Variants in MLF2 observed in about 807,000 individuals in gnomAD.
The protein encoded by MLF2 is myeloid leukemia factor 2, also known as myelodysplasia-myeloid leukemia factor 2.
Under a neutral mutation model 31.4 loss-of-function variants are expected in MLF2, and 12 were observed. The ratio of observed to expected loss-of-function variants is 0.38; its 90% CI spans 0.24 to 0.62. MLF2 has a LOEUF of 0.62. MLF2 is among the 20% of genes least tolerant of loss of function. The pLI, the probability that MLF2 is intolerant of heterozygous loss-of-function variation, is 0.58. For synonymous variants in MLF2, 109 were observed against 118.8 expected, an observed-to-expected ratio of 0.92 and a Z score of 0.54; for missense variants, 272 against 359.7, an observed-to-expected ratio of 0.76 and a Z score of 1.97.
chr12:6,751,354 T>C (rs1261819192), intron 4 of MLF2, among the ~76,000 whole-genome samples: 2 of 151,900 alleles, frequency 1.3e-5, no homozygotes, highest in African/African-American at 4.8e-5. Flanking sequence ...CCACCATGCC[T>C]GGCTTTTTTG....
chr12:6,749,723 CA>C lies in MLF2; in HGVS notation c.559+124del, dbSNP rs750197073. ...GGGCAACAAGAGCGAGACTCCATCT[CA>C]AAAAAAAAAAAAAAGGAATATGGGG... On this transcript the variant is annotated intron_variant, in intron 7 of 8. Coordinates refer to ENST00000203630, the MANE Select transcript of MLF2 (RefSeq NM_001382226.1). The surrounding 1 kb of genome is among the most constrained non-coding windows in gnomAD (Gnocchi z 5.3). The C allele has an allele frequency of 0.18, 183,365 of 1,026,970 alleles. 6 individuals are homozygous for C. Among genetic ancestry groups the C allele is most frequent in the South Asian group, 0.24 (13,753 of 56,720 alleles). The allele number at this position is 1,026,970 out of a possible 1,614,324, so 63.6% of individuals were successfully genotyped here.
Position 6,750,411 on chromosome 12 carries a change from T to A in MLF2, c.271-106A>T. 1.4e-6 allele frequency: 2 copies of A among 1,423,590 alleles called. No homozygotes were observed. Among genetic ancestry groups the A allele is most frequent in the Admixed American group, 4.4e-5 (2 of 45,342 alleles). The allele number at this position is 1,423,590 out of a possible 1,614,324, so 88.2% of individuals were successfully genotyped here. ...TCTAGCCTGTATCTTTCTCACAAAA[T>A]GCAAGAACTGAAAAAACATCAGGCC... On this transcript the variant is annotated intron_variant, in intron 5 of 8. Transcript: ENST00000203630. The surrounding 1 kb of genome is among the most constrained non-coding windows in gnomAD (Gnocchi z 5.3).
chr12:6,748,559 A>C lies in MLF2; in HGVS notation c.*26-12T>G, dbSNP rs1384050061. On this transcript the variant is annotated splice_polypyrimidine_tract_variant and intron_variant, in intron 8 of 8. Transcript: ENST00000203630. This position sits in a 1 kb window ranked among gnomAD's most constrained non-coding sequence, Gnocchi z 4.6. ...CTCTCAGCCTGTACCTGGAGGGGGA[A>C]AGAGAGAGGAGCACAAGTCAAAAGG... The C allele has an allele frequency of 4.8e-6, 2 of 416,958 alleles. No individual in the cohort carries two copies. The highest frequency in any genetic ancestry group is 8.5e-6 in the Non-Finnish European group (2 of 236,342). 25.8% of individuals were successfully genotyped at this position (416,958 alleles called of 1,614,324 possible).
Position 6,749,498 on chromosome 12 carries a change from C to T in MLF2, c.559+350G>A, listed in dbSNP as rs1455402998. On this transcript the variant is annotated intron_variant, in intron 7 of 8. Coordinates refer to ENST00000203630, the MANE Select transcript of MLF2 (RefSeq NM_001382226.1). The surrounding 1 kb of genome is among the most constrained non-coding windows in gnomAD (Gnocchi z 5.3). ...AGGCCAACGGTCGGTGGGTGGATCA[C>T]AAGGTCAGGAGTTCGAGAACGGCCT... Among the ~76,000 whole-genome samples, 1 of 152,198 alleles carries T rather than the reference C, an allele frequency of 6.6e-6. No individual in the cohort carries two copies. Among genetic ancestry groups the T allele is most frequent in the Non-Finnish European group, 1.5e-5 (1 of 68,032 alleles).
At position 6,748,765 on chromosome 12, in the gene MLF2, C is replaced by A; in HGVS notation, c.*25+5G>T. ...CACCCCACCCTCCTTACTCCTGATA[C>A]TTACAAGAGAGGCTGAGGGCCCGGG... On this transcript the variant is annotated splice_donor_5th_base_variant and intron_variant, in intron 8 of 8. Coordinates refer to ENST00000203630, the MANE Select transcript of MLF2 (RefSeq NM_001382226.1). This position sits in a 1 kb window ranked among gnomAD's most constrained non-coding sequence, Gnocchi z 4.6. 6.7e-7 allele frequency: 1 copy of A among 1,498,316 alleles called. No homozygotes were observed. The highest frequency in any genetic ancestry group is 8.8e-7 in the Non-Finnish European group (1 of 1,130,526). The allele number at this position is 1,498,316 out of a possible 1,614,324, so 92.8% of individuals were successfully genotyped here.
chr12:6,748,690 G>A lies in MLF2; in HGVS notation c.*25+80C>T. 1 of 1,117,390 alleles carries A rather than the reference G, an allele frequency of 8.9e-7. No individual in the cohort carries two copies. Among genetic ancestry groups the A allele is most frequent in the Non-Finnish European group, 1.2e-6 (1 of 805,088 alleles). 69.2% of individuals were successfully genotyped at this position (1,117,390 alleles called of 1,614,324 possible). On this transcript the variant is annotated intron_variant, in intron 8 of 8. Coordinates refer to ENST00000203630, the MANE Select transcript of MLF2 (RefSeq NM_001382226.1). The surrounding 1 kb of genome is among the most constrained non-coding windows in gnomAD (Gnocchi z 4.6). The stretch of plus-strand genomic sequence containing the variant: ...ACTTGTACTACCAAAGGCAGCTCCT[G>A]CGGGAGCCTGAACTGAGCCTGCCTT...
rs1465817551 is a variant in MLF2, at chr12:6,750,786, A to G, written c.217-20T>C. On this transcript the variant is annotated intron_variant, in intron 4 of 8. Transcript: ENST00000203630. The surrounding 1 kb of genome is among the most constrained non-coding windows in gnomAD (Gnocchi z 5.3). ...ACCCGACTGGAGGAAAGAGATGGAA[A>G]ACAGAGTCAGGAAAGCAAAGTCAGT... The G allele has an allele frequency of 6.2e-7, 1 of 1,613,048 alleles. No homozygotes were observed. Among genetic ancestry groups the G allele is most frequent in the South Asian group, 1.1e-5 (1 of 90,970 alleles).
chr12:6,748,689 T>C lies in MLF2; in HGVS notation c.*25+81A>G. On this transcript the variant is annotated intron_variant, in intron 8 of 8. Coordinates refer to ENST00000203630, the MANE Select transcript of MLF2 (RefSeq NM_001382226.1). The surrounding 1 kb of genome is among the most constrained non-coding windows in gnomAD (Gnocchi z 4.6). ...AACTTGTACTACCAAAGGCAGCTCC[T>C]GCGGGAGCCTGAACTGAGCCTGCCT... The C allele has an allele frequency of 9.1e-7, 1 of 1,104,164 alleles. No individual in the cohort carries two copies. Among genetic ancestry groups the C allele is most frequent in the South Asian group, 1.8e-5 (1 of 54,482 alleles). 68.4% of individuals were successfully genotyped at this position (1,104,164 alleles called of 1,614,324 possible).
rs1592483141 is a variant in MLF2 at position 6,749,029 on chromosome 12, TG to T, written c.560-48del. 1.3e-6 allele frequency: 2 copies of T among 1,485,880 alleles called. No individual in the cohort carries two copies. Among genetic ancestry groups the T allele is most frequent in the Non-Finnish European group, 1.8e-6 (2 of 1,123,954 alleles). The allele number at this position is 1,485,880 out of a possible 1,614,324, so 92.0% of individuals were successfully genotyped here. On this transcript the variant is annotated intron_variant, in intron 7 of 8. Coordinates refer to ENST00000203630, the MANE Select transcript of MLF2 (RefSeq NM_001382226.1). This position sits in a 1 kb window ranked among gnomAD's most constrained non-coding sequence, Gnocchi z 5.3. ...TGAGGCCTGTGTGCGGCCTGGCTCC[TG>T]GAGGCCGATGTGCGAGCGAGCCACA...
intron 3 of MLF2, 76 bp from the exon 4 acceptor site, chr12:6,751,752 T>A (rs1373663307): frequency 1.9e-6 from 3 of 1,585,194 alleles, no homozygotes; most frequent in Non-Finnish European, 2.6e-6. Flanking sequence ...GCCCATGGCC[T>A]CAATTTTTTT....
In MLF2 at chr12:6,752,024, C is replaced by T; in HGVS notation, c.81G>A (p.Met27Ile). 6.2e-7 allele frequency: 1 copy of T among 1,614,220 alleles called. No homozygotes were observed. Among genetic ancestry groups the T allele is most frequent in the South Asian group, 1.1e-5 (1 of 91,086 alleles). ...CAAAGCCACCTGACAACATACGGCT[C>T]ATATGCTGACGGTGAATAGCAAAGG... ...MDPFAIHRQHMSRMLSGGFGY... is the reference protein window; with the variant it reads ...MDPFAIHRQHISRMLSGGFGY... The change falls in exon 3 of 9, where the codon ATG becomes ATA. Residue 27 changes from methionine to isoleucine, a missense_variant. By Grantham distance (10) the Met-to-Ile change is conservative (BLOSUM62 1). Coordinates refer to ENST00000203630, the MANE Select transcript of MLF2 (RefSeq NM_001382226.1). The surrounding 1 kb of genome is among the most constrained non-coding windows in gnomAD (Gnocchi z 4.6).
Position 6,750,960 on chromosome 12 carries a change from T to TTC in MLF2, c.217-196_217-195dup, listed in dbSNP as rs1229499426. 1 of 581,382 alleles carries TTC rather than the reference T, an allele frequency of 1.7e-6. No homozygotes were observed. The highest frequency in any genetic ancestry group is 3.1e-6 in the Non-Finnish European group (1 of 319,708). 36.0% of individuals were successfully genotyped at this position (581,382 alleles called of 1,614,324 possible). A position where few individuals can be genotyped will look rare whatever the true frequency, so the allele number is the denominator to read the frequency against. On this transcript the variant is annotated intron_variant, in intron 4 of 8. Coordinates refer to ENST00000203630, the MANE Select transcript of MLF2 (RefSeq NM_001382226.1). This position sits in a 1 kb window ranked among gnomAD's most constrained non-coding sequence, Gnocchi z 5.3. ...TCTCCTCCTGTGAACTGCTGACCCC[T>TTC]TCCTCAGTCTCTGTGACTGCTGTGA...
In MLF2 at chr12:6,750,418, A is replaced by G. The variant is rs1473855672; in HGVS notation, c.271-113T>C. 2 of 1,389,204 alleles carry G rather than the reference A, an allele frequency of 1.4e-6. No homozygotes were observed. Among genetic ancestry groups the G allele is most frequent in the African/African-American group, 2.9e-5 (2 of 69,148 alleles). 86.1% of individuals were successfully genotyped at this position (1,389,204 alleles called of 1,614,324 possible). On this transcript the variant is annotated intron_variant, in intron 5 of 8. Coordinates refer to ENST00000203630, the MANE Select transcript of MLF2 (RefSeq NM_001382226.1). This position sits in a 1 kb window ranked among gnomAD's most constrained non-coding sequence, Gnocchi z 5.3. The stretch of plus-strand genomic sequence containing the variant: ...TGTATCTTTCTCACAAAATGCAAGA[A>G]CTGAAAAAACATCAGGCCTCATCAT...
rs1386613516 is a variant in MLF2 at position 6,750,501 on chromosome 12, G to A, written c.271-196C>T. ...AGCAAGAAGGACCTGAAGAGACAGGGCCTTAATTGTATGCTACGTAAGAGA... is the reference window on the plus strand; with the variant it reads ...AGCAAGAAGGACCTGAAGAGACAGGACCTTAATTGTATGCTACGTAAGAGA... On this transcript the variant is annotated intron_variant, in intron 5 of 8. Coordinates refer to ENST00000203630, the MANE Select transcript of MLF2 (RefSeq NM_001382226.1). The surrounding 1 kb of genome is among the most constrained non-coding windows in gnomAD (Gnocchi z 5.3). 2.3e-6 allele frequency: 2 copies of A among 888,408 alleles called. No individual in the cohort carries two copies. Among genetic ancestry groups the A allele is most frequent in the Non-Finnish European group, 3.4e-6 (2 of 586,954 alleles). The allele number at this position is 888,408 out of a possible 1,614,324, so 55.0% of individuals were successfully genotyped here.
Position 6,750,787 on chromosome 12 carries a change from A to G in MLF2, c.217-21T>C. On this transcript the variant is annotated intron_variant, in intron 4 of 8. Transcript: ENST00000203630. This position sits in a 1 kb window ranked among gnomAD's most constrained non-coding sequence, Gnocchi z 5.3. Reference sequence around the variant, plus strand: ...CCCGACTGGAGGAAAGAGATGGAAAACAGAGTCAGGAAAGCAAAGTCAGTG... The same window carrying G: ...CCCGACTGGAGGAAAGAGATGGAAAGCAGAGTCAGGAAAGCAAAGTCAGTG... 3 of 1,612,728 alleles carry G rather than the reference A, an allele frequency of 1.9e-6. No homozygotes were observed. The highest frequency in any genetic ancestry group is 2.5e-6 in the Non-Finnish European group (3 of 1,178,850).
Position 6,750,357 on chromosome 12 carries a change from T to C in MLF2, c.271-52A>G, listed in dbSNP as rs774228954. On this transcript the variant is annotated intron_variant, in intron 5 of 8. Coordinates refer to ENST00000203630, the MANE Select transcript of MLF2 (RefSeq NM_001382226.1). The surrounding 1 kb of genome is among the most constrained non-coding windows in gnomAD (Gnocchi z 5.3). ...CTGAATGGGGAGGCATCACCCCTGG[T>C]GAAGGGATTTCACCCTTCAGCTGCC... 6.3e-7 allele frequency: 1 copy of C among 1,592,048 alleles called. No homozygotes were observed. The highest frequency in any genetic ancestry group is 8.6e-7 in the Non-Finnish European group (1 of 1,167,074).
intron 4 of MLF2, 109 bp downstream of exon 4, chr12:6,751,530 GAA>G: frequency 8.0e-7 from 1 of 1,256,832 alleles, no homozygotes; most frequent in Non-Finnish European, 1.2e-6. Flanking sequence ...CATAAAAAGA[GAA>G]GATTCTGGGG....
rs1437583987 is a variant in MLF2, at chr12:6,750,997, T to C, written c.217-231A>G. 1.2e-5 allele frequency: 6 copies of C among 517,042 alleles called. No homozygotes were observed. Among genetic ancestry groups the C allele is most frequent in the Admixed American group, 3.3e-5 (1 of 30,364 alleles). The allele number at this position is 517,042 out of a possible 1,614,324, so 32.0% of individuals were successfully genotyped here. On this transcript the variant is annotated intron_variant, in intron 4 of 8. Transcript: ENST00000203630. This position sits in a 1 kb window ranked among gnomAD's most constrained non-coding sequence, Gnocchi z 5.3. ...TGTGACTGCTGTGATCCAATTTTCCTTCTCCTGCTTGCTATATTCCCCCCA... is the reference window on the plus strand; with the variant it reads ...TGTGACTGCTGTGATCCAATTTTCCCTCTCCTGCTTGCTATATTCCCCCCA...
rs1941631059 is a variant in MLF2 at position 6,752,462 on chromosome 12, A to G, written c.-28-100T>C. 1 of 965,826 alleles carries G rather than the reference A, an allele frequency of 1.0e-6. No individual in the cohort carries two copies. Among genetic ancestry groups the G allele is most frequent in the Non-Finnish European group, 1.6e-6 (1 of 644,196 alleles). The allele number at this position is 965,826 out of a possible 1,614,324, so 59.8% of individuals were successfully genotyped here. ...GAGCACTGTCCTTTCCAAATCCTGT[A>G]ACTGACCCCCTAAACTCCAGGGAGA... On this transcript the variant is annotated intron_variant, in intron 1 of 8. Coordinates refer to ENST00000203630, the MANE Select transcript of MLF2 (RefSeq NM_001382226.1). The surrounding 1 kb of genome is among the most constrained non-coding windows in gnomAD (Gnocchi z 4.6).
Sources: gnomAD v4.1 joint callset for allele counts (sites outside exome capture counted in the v4.1 genomes callset) on GRCh38, gnomAD v4.1.1 for gene constraint, Gnocchi (gnomAD v3.1) non-coding constraint, MANE v1.5 for transcripts, NCBI Gene and HGNC (gene_info 2026-07-23, HGNC 2026-07-21) for gene names.